The following PGBD5 variants were observed in gnomAD, a reference collection of about 807,000 sequenced individuals.
The protein encoded by PGBD5 is piggyBac transposable element derived 5, also known as piggyBac transposable element-derived protein 5.
Under a neutral mutation model 47.9 loss-of-function variants are expected in PGBD5, and 14 were observed. That is an observed-to-expected ratio of 0.29 (90% CI 0.19 to 0.46). The LOEUF (loss-of-function observed/expected upper bound fraction) is 0.46, where lower values mean the gene tolerates loss of function less well. PGBD5 is among the 20% of genes least tolerant of loss of function. The pLI, the probability that PGBD5 is intolerant of heterozygous loss-of-function variation, is 1.00. For synonymous variants in PGBD5, 316 were observed against 306.3 expected, an observed-to-expected ratio of 1.03 and a Z score of -0.33; for missense variants, 635 against 716.0, an observed-to-expected ratio of 0.89 and a Z score of 1.29.
At position 230,337,036 on chromosome 1, in the gene PGBD5, C is replaced by A. The variant is rs187479412; in HGVS notation, c.1075+72G>T. 9.2e-5 allele frequency: 142 copies of A among 1,536,318 alleles called. No homozygotes were observed. In the East Asian group the frequency reaches 2.9e-3, roughly 31 times the overall value. On this transcript the variant is annotated intron_variant, in intron 4 of 6. Transcript: ENST00000391860. ...GGTGGCCACCACGTATCTGCACCCCCACCTGGACCTCTCCCACCACTTTCC... is the reference window on the plus strand; with the variant it reads ...GGTGGCCACCACGTATCTGCACCCCAACCTGGACCTCTCCCACCACTTTCC...
intron 3 of PGBD5, among the ~76,000 whole-genome samples, chr1:230,349,186 A>G (rs1667523973): frequency 6.6e-6 from 1 of 152,198 alleles, no homozygotes; most frequent in Admixed American, 6.5e-5. Context: ...TAGAGGGAGA[A>G]GGGAGTGGTG....
At chr1:230,356,713 C>T (rs913387034) in intron 2 of PGBD5, among the ~76,000 whole-genome samples, 181 bp downstream of exon 2, 1 of 152,138 alleles carries the variant, frequency 6.6e-6, no homozygotes, top group African/African-American at 2.4e-5. Context: ...ATTATTACTC[C>T]CCTCCGATCT....
chr1:230,335,867 ATG>A (rs1558192916), intron 4 of PGBD5, among the ~76,000 whole-genome samples: 219 of 6,048 alleles, frequency 0.036, 36 homozygotes, highest in East Asian at 0.17. Flanking sequence ...ACACACACAG[ATG>A]CATACACGGA....
At chr1:230,401,465 G>A (rs1219592929) in intron 1 of PGBD5, among the ~76,000 whole-genome samples, 3 of 152,052 alleles carry the variant, frequency 2.0e-5, no homozygotes, top group Admixed American at 6.5e-5. Context: ...AGGGAGAAGC[G>A]TAAATAGCAA....
Position 230,404,875 on chromosome 1 carries a change from A to C in PGBD5, c.331+20723T>G, listed in dbSNP as rs185676958. Among the ~76,000 whole-genome samples, 1,198 of 148,382 alleles carry C rather than the reference A, an allele frequency of 8.1e-3. 15 individuals are homozygous for C. Among genetic ancestry groups the C allele is most frequent in the African/African-American group, 0.028 (1,118 of 39,892 alleles). ...GGGAGGCAGAGGTTGCAGTGAGCCAAGATTGTGCCATTGCACTCTAGCCTG... is the reference window on the plus strand; with the variant it reads ...GGGAGGCAGAGGTTGCAGTGAGCCACGATTGTGCCATTGCACTCTAGCCTG... On this transcript the variant is annotated intron_variant, in intron 1 of 6. Coordinates refer to ENST00000391860, the MANE Select transcript of PGBD5 (RefSeq NM_001258311.2).
intron 1 of PGBD5, among the ~76,000 whole-genome samples, chr1:230,359,662 T>G (rs1558199160): frequency 6.6e-6 from 1 of 152,226 alleles, no homozygotes; most frequent in Non-Finnish European, 1.5e-5. Flanking sequence ...AAGGTTGTCA[T>G]GCAGCGTGAA....
At chr1:230,347,058 A>T (rs912233609) in intron 3 of PGBD5, among the ~76,000 whole-genome samples, 1 of 152,190 alleles carries the variant, frequency 6.6e-6, no homozygotes, top group African/African-American at 2.4e-5. Context: ...AAAAATAAAT[A>T]AGTATTCTTA....
At chr1:230,377,506 G>C (rs1668031269) in intron 1 of PGBD5, 2 of 1,612,716 alleles carry the variant, frequency 1.2e-6, no homozygotes, top group African/African-American at 1.3e-5. Context: ...ACCTGTGAAT[G>C]AATCGCTTGG....
At chr1:230,325,486 T>G in intron 5 of PGBD5, 71 bp from the exon 6 acceptor site, 1 of 1,108,264 alleles carries the variant, frequency 9.0e-7, no homozygotes, top group Non-Finnish European at 1.4e-6. Flanking sequence ...AATGTGCCTA[T>G]CTTCGTCCAG....
chr1:230,417,460 G>T (rs537817633), intron 1 of PGBD5, among the ~76,000 whole-genome samples: 1 of 152,312 alleles, frequency 6.6e-6, no homozygotes, highest in African/African-American at 2.4e-5. Flanking sequence ...ATAATTATAG[G>T]TGTTAAATTT....
chr1:230,398,507 T>C (rs1467055339), intron 1 of PGBD5, among the ~76,000 whole-genome samples: 1 of 152,244 alleles, frequency 6.6e-6, no homozygotes, highest in African/African-American at 2.4e-5. Flanking sequence ...AGGTCACATT[T>C]TGAAGTACTA....
intron 1 of PGBD5, among the ~76,000 whole-genome samples, chr1:230,401,342 C>A (rs1657133408): frequency 6.6e-6 from 1 of 152,190 alleles, no homozygotes; most frequent in South Asian, 2.1e-4. Flanking sequence ...ATAACACGGC[C>A]TCCAACAGGC....
intron 2 of PGBD5, among the ~76,000 whole-genome samples, chr1:230,355,556 C>G (rs757839552): frequency 4.6e-5 from 7 of 152,218 alleles, no homozygotes; most frequent in African/African-American, 1.7e-4. Flanking sequence ...TGCTCAGGCC[C>G]GTCCTTGGTA....
intron 1 of PGBD5, among the ~76,000 whole-genome samples, chr1:230,394,669 C>T (rs1436028609): frequency 7.1e-6 from 1 of 139,960 alleles, no homozygotes; most frequent in East Asian, 2.2e-4. Flanking sequence ...CCCCAAGGTC[C>T]TCTCATTCCC....
At position 230,342,668 on chromosome 1, in the gene PGBD5, G is replaced by A. The variant is rs543620053; in HGVS notation, c.895-5380C>T. 1.7e-4 allele frequency among the ~76,000 whole-genome samples: 26 copies of A among 152,314 alleles called. No individual in the cohort carries two copies. In the South Asian group the frequency reaches 5.4e-3, roughly 32 times the overall value. ...GGCTCTGTCATTCACTGGCTTGTGG[G>A]TTTGGGGGCAAGTTACTTAATTGCT... is the stretch of plus-strand genomic sequence containing the variant. On this transcript the variant is annotated intron_variant, in intron 3 of 6. Coordinates refer to ENST00000391860, the MANE Select transcript of PGBD5 (RefSeq NM_001258311.2).
chr1:230,414,440 G>A (rs1286406832), intron 1 of PGBD5, among the ~76,000 whole-genome samples: 1 of 152,146 alleles, frequency 6.6e-6, no homozygotes, highest in Non-Finnish European at 1.5e-5. Context: ...TTTTCAGAAT[G>A]TTTGTATTTC....
intron 1 of PGBD5, among the ~76,000 whole-genome samples, chr1:230,374,672 A>G (rs761875676): frequency 6.6e-6 from 1 of 152,102 alleles, no homozygotes; most frequent in Non-Finnish European, 1.5e-5. Flanking sequence ...GTAGAAAAAG[A>G]ACAACAGGTG....
At chr1:230,381,962 G>A (rs1656511816) in intron 1 of PGBD5, among the ~76,000 whole-genome samples, 1 of 152,148 alleles carries the variant, frequency 6.6e-6, no homozygotes. Context: ...TGAAACTTTT[G>A]TCATTCACAG....
At chr1:230,379,061 C>A (rs1023874070) in intron 1 of PGBD5, among the ~76,000 whole-genome samples, 2 of 152,170 alleles carry the variant, frequency 1.3e-5, no homozygotes, top group African/African-American at 2.4e-5. Flanking sequence ...TGATGCCTCA[C>A]AACCAACCAT....
Sources: gnomAD v4.1 joint callset for allele counts (sites outside exome capture counted in the v4.1 genomes callset) on GRCh38, gnomAD v4.1.1 for gene constraint, MANE v1.5 for transcripts, NCBI Gene and HGNC (gene_info 2026-07-23, HGNC 2026-07-21) for gene names.